PTPN4: variants seen among roughly 807,000 people sequenced by gnomAD.
PTPN4 encodes tyrosine-protein phosphatase non-receptor type 4.
In PTPN4, 49 loss-of-function variants were observed where a neutral mutation model predicts 135.5. The observed-to-expected ratio is 0.36, with a 90% confidence interval of 0.29 to 0.46. The LOEUF is 0.46. PTPN4 is among the 20% of genes least tolerant of loss of function. PTPN4 has a pLI of 1.00. For missense variants in PTPN4, 860 were observed against 1,101.0 expected (o/e 0.78, Z 3.10); for synonymous variants, 333 against 369.9 (o/e 0.90, Z 1.14).
intron 9 of PTPN4, among the ~76,000 whole-genome samples, chr2:119,892,384 A>C (rs1229994645): frequency 1.3e-5 from 2 of 152,246 alleles, no homozygotes; most frequent in Admixed American, 6.5e-5. Context: ...GCATTTTACT[A>C]TACAGTACTT....
chr2:119,824,420 G>C (rs1677116369), intron 2 of PTPN4, among the ~76,000 whole-genome samples: 1 of 152,102 alleles, frequency 6.6e-6, no homozygotes, highest in South Asian at 2.1e-4. Flanking sequence ...GGCTTAAACA[G>C]CCCTCCCACC....
intron 1 of PTPN4, among the ~76,000 whole-genome samples, chr2:119,773,318 T>TG (rs1430954506): frequency 3.9e-5 from 6 of 152,302 alleles, no homozygotes; most frequent in African/African-American, 1.4e-4. Context: ...TTGAACTGTG[T>TG]GGGTCCACTT....
chr2:119,902,886 G>A (rs1678427128), intron 10 of PTPN4, among the ~76,000 whole-genome samples: 1 of 152,024 alleles, frequency 6.6e-6, no homozygotes, highest in Non-Finnish European at 1.5e-5. Context: ...GAGGGAGTTT[G>A]CACTCCCTCT....
At chr2:119,974,558 G>A (rs1469107087) in intron 26 of PTPN4, among the ~76,000 whole-genome samples, 2 of 152,074 alleles carry the variant, frequency 1.3e-5, no homozygotes, top group Admixed American at 1.3e-4. Flanking sequence ...TTTGGCCAGT[G>A]GGAGCCTGTT....
chr2:119,960,789 A>T lies in PTPN4; in HGVS notation c.2134-18A>T, dbSNP rs762131320. On this transcript the variant is annotated intron_variant, in intron 22 of 26. Transcript: ENST00000263708. ...AAGTAATGCAAAACATTTTATTTTCATGCCCTTTTCTTTTTAGATGGAAAT... is the reference window on the plus strand; with the variant it reads ...AAGTAATGCAAAACATTTTATTTTCTTGCCCTTTTCTTTTTAGATGGAAAT... 4.4e-6 allele frequency: 7 copies of T among 1,603,464 alleles called. No individual in the cohort carries two copies. The Admixed American group carries it at 5.2e-5, about 12-fold the overall frequency.
intron 2 of PTPN4, among the ~76,000 whole-genome samples, chr2:119,818,715 A>G (rs555497474): frequency 3.9e-5 from 6 of 152,358 alleles, no homozygotes; most frequent in Non-Finnish European, 7.4e-5. Flanking sequence ...TCTAAATAAT[A>G]GTGAATTATA....
At chr2:119,930,323 A>G (rs1678886440) in intron 13 of PTPN4, among the ~76,000 whole-genome samples, 1 of 152,160 alleles carries the variant, frequency 6.6e-6, no homozygotes, top group South Asian at 2.1e-4. Context: ...AGGCCAAACT[A>G]AAAAAGTTTT....
At chr2:119,906,886 G>T (rs1379409136) in intron 10 of PTPN4, among the ~76,000 whole-genome samples, 6 of 152,186 alleles carry the variant, frequency 3.9e-5, no homozygotes, top group Admixed American at 3.9e-4. Context: ...GTTCCTCTTT[G>T]CAGAAAACCT....
At chr2:119,800,854 G>C (rs1364764139) in intron 1 of PTPN4, among the ~76,000 whole-genome samples, 1 of 151,462 alleles carries the variant, frequency 6.6e-6, no homozygotes, top group Non-Finnish European at 1.5e-5. Context: ...TTGTACCTTT[G>C]TTAAAAATCA....
chr2:119,872,241 T>C (rs1677923819), intron 3 of PTPN4, among the ~76,000 whole-genome samples: 1 of 152,212 alleles, frequency 6.6e-6, no homozygotes, highest in African/African-American at 2.4e-5. Context: ...TTACTGGATC[T>C]AGTGACTCTC....
chr2:119,941,734 T>A (rs1679064651), intron 15 of PTPN4, among the ~76,000 whole-genome samples: 1 of 152,194 alleles, frequency 6.6e-6, no homozygotes, highest in South Asian at 2.1e-4. Context: ...TCCTCACCTT[T>A]TCCTTATAAT....
At chr2:119,920,387 G>A in intron 12 of PTPN4, 146 bp downstream of exon 12, 1 of 849,406 alleles carries the variant, frequency 1.2e-6, no homozygotes, top group Non-Finnish European at 1.7e-6. Context: ...CTCTATATCA[G>A]TATCATTAAA....
intron 3 of PTPN4, among the ~76,000 whole-genome samples, chr2:119,866,522 T>G (rs977432335): frequency 1.3e-5 from 2 of 152,074 alleles, no homozygotes; most frequent in African/African-American, 4.8e-5. Flanking sequence ...ACTTTGGAAC[T>G]CAAGAAATTG....
chr2:119,807,596 C>CA lies in PTPN4; in HGVS notation c.-17-2234dup, dbSNP rs878977129. On this transcript the variant is annotated intron_variant, in intron 1 of 26. Coordinates refer to ENST00000263708, the MANE Select transcript of PTPN4 (RefSeq NM_002830.4). Reference sequence around the variant, plus strand: ...AGGCAATAATTAATAGCCTACCGACCAAAAAAAGTCCAGGACCAGACGGAT... The same window carrying CA: ...AGGCAATAATTAATAGCCTACCGACCAAAAAAAAGTCCAGGACCAGACGGAT... 2.6e-5 allele frequency among the ~76,000 whole-genome samples: 4 copies of CA among 152,136 alleles called. No individual in the cohort carries two copies. The South Asian group carries it at 8.3e-4, about 32-fold the overall frequency.
chr2:119,953,496 C>T (rs1216430096), intron 19 of PTPN4, among the ~76,000 whole-genome samples: 4 of 152,100 alleles, frequency 2.6e-5, no homozygotes, highest in African/African-American at 9.7e-5. Flanking sequence ...ACAGAACATT[C>T]TATTTTGACT....
In PTPN4 at chr2:119,943,775, G is replaced by A. The variant is rs182532695; in HGVS notation, c.1356-1306G>A. On this transcript the variant is annotated intron_variant, in intron 15 of 26. Coordinates refer to ENST00000263708, the MANE Select transcript of PTPN4 (RefSeq NM_002830.4). ...CTAATTTTTTTGTATTTTTAGTAGA[G>A]ACAGGGTTTCACCATGTTAGCCAGG... is the stretch of plus-strand genomic sequence containing the variant. 1.3e-3 allele frequency among the ~76,000 whole-genome samples: 199 copies of A among 151,732 alleles called. 4 individuals carry two copies. The South Asian group carries it at 0.013, about 10-fold the overall frequency.
chr2:119,963,908 A>G (rs1236429464), intron 24 of PTPN4, among the ~76,000 whole-genome samples: 1 of 152,202 alleles, frequency 6.6e-6, no homozygotes, highest in Non-Finnish European at 1.5e-5. Context: ...TGACAGTTTT[A>G]TATACCATAG....
chr2:119,949,390 T>C (rs886075995), intron 18 of PTPN4, among the ~76,000 whole-genome samples: 1 of 152,194 alleles, frequency 6.6e-6, no homozygotes, highest in Non-Finnish European at 1.5e-5. Context: ...TATGAATACA[T>C]AATAGTTGTA....
intron 2 of PTPN4, among the ~76,000 whole-genome samples, chr2:119,855,864 C>T (rs372554733): frequency 2.6e-5 from 4 of 151,908 alleles, no homozygotes; most frequent in Admixed American, 6.6e-5. Context: ...AGTGCAGTGG[C>T]GCGATCTCAG....
Sources: gnomAD v4.1 joint callset for allele counts (sites outside exome capture counted in the v4.1 genomes callset) on GRCh38, gnomAD v4.1.1 for gene constraint, MANE v1.5 for transcripts, NCBI Gene and HGNC (gene_info 2026-07-23, HGNC 2026-07-21) for gene names.